The following KDM3A variants were observed in gnomAD, a reference collection of about 807,000 sequenced individuals.
KDM3A encodes lysine-specific demethylase 3A.
A neutral mutation model predicts 158.0 loss-of-function variants in KDM3A; 60 were observed. The observed-to-expected ratio is 0.38, with a 90% CI of 0.31 to 0.47. The LOEUF is 0.47. Ranked by LOEUF, KDM3A falls within the 20% of genes least tolerant of loss-of-function variation. The pLI is 0.99. For synonymous variants in KDM3A, 608 were observed against 549.3 expected (o/e 1.11, Z -1.49); for missense variants, 1,319 against 1,574.3 (o/e 0.84, Z 2.74).
intron 23 of KDM3A, chr2:86,490,659 C>T (rs1674410167): frequency 2.2e-6 from 1 of 459,690 alleles, no homozygotes; most frequent in Non-Finnish European, 3.9e-6. Context: ...CAGAGCCTGT[C>T]AGTCATGGTT....
At chr2:86,440,940 C>T (rs1392965001), upstream of KDM3A, 1 of 152,324 alleles carries the variant, frequency 6.6e-6, no homozygotes, top group African/African-American at 2.4e-5. Flanking sequence ...GGTCGACAGC[C>T]TACGCGGTTG....
chr2:86,458,394 A>G (rs1672793253), intron 8 of KDM3A, among the ~76,000 whole-genome samples: 1 of 152,224 alleles, frequency 6.6e-6, no homozygotes, highest in Non-Finnish European at 1.5e-5. Flanking sequence ...TTAGGAAAGA[A>G]TGAAGAGTTA....
chr2:86,458,838 T>A (rs996057437), intron 8 of KDM3A, among the ~76,000 whole-genome samples: 13 of 152,252 alleles, frequency 8.5e-5, no homozygotes, highest in Admixed American at 7.8e-4. Flanking sequence ...GGGTTTTAAG[T>A]TCAGGAGATT....
At chr2:86,478,475 G>T (rs1673768778) in intron 14 of KDM3A, 133 bp from the exon 15 acceptor site, 2 of 1,045,114 alleles carry the variant, frequency 1.9e-6, no homozygotes, top group Admixed American at 2.5e-5. Context: ...TTTGGGGAAG[G>T]CCTCTGGAGC....
intron 11 of KDM3A, among the ~76,000 whole-genome samples, chr2:86,472,044 G>A (rs1471228596): frequency 2.0e-5 from 3 of 152,016 alleles, no homozygotes; most frequent in Non-Finnish European, 4.4e-5. Flanking sequence ...TGTTGTTATG[G>A]CTCCTCTGCT....
chr2:86,467,430 T>C (rs1416106740), intron 10 of KDM3A: 1 of 152,652 alleles, frequency 6.6e-6, no homozygotes. Context: ...AAAAAGGACT[T>C]GGGTTAAAGA....
At chr2:86,466,111 G>A (rs138728112) in intron 9 of KDM3A, among the ~76,000 whole-genome samples, 1 of 152,196 alleles carries the variant, frequency 6.6e-6, no homozygotes, top group East Asian at 1.9e-4. Context: ...TAGAACTAAC[G>A]TAAGAAGTTA....
At chr2:86,437,330 T>C (rs1312199362), upstream of KDM3A, among the ~76,000 whole-genome samples, 17 of 152,048 alleles carry the variant, frequency 1.1e-4, no homozygotes, top group Non-Finnish European at 4.4e-5. Context: ...ACAGTAGCGA[T>C]GAGGTCTCAC....
chr2:86,471,062 G>C (rs1028521439), intron 11 of KDM3A, among the ~76,000 whole-genome samples: 1 of 152,178 alleles, frequency 6.6e-6, no homozygotes, highest in Admixed American at 6.5e-5. Flanking sequence ...TGATACACCT[G>C]TTCTGCCAAG....
intron 21 of KDM3A, among the ~76,000 whole-genome samples, chr2:86,486,556 T>C (rs1332724958): frequency 6.6e-6 from 1 of 152,226 alleles, no homozygotes; most frequent in Non-Finnish European, 1.5e-5. Flanking sequence ...GAATTTTATT[T>C]ACTCATTTTT....
At chr2:86,484,642 C>A in intron 19 of KDM3A, 1 of 310,502 alleles carries the variant, frequency 3.2e-6, no homozygotes, top group Non-Finnish European at 6.0e-6. Context: ...GCTTAATAAG[C>A]TTCTAGGAAA....
chr2:86,460,883 A>G (rs1210433119), intron 8 of KDM3A: 3 of 152,124 alleles, frequency 2.0e-5, no homozygotes, highest in East Asian at 1.9e-4. Flanking sequence ...GCGGAGGTGC[A>G]CTCGTGAACA....
intron 6 of KDM3A, 43 bp downstream of exon 6, chr2:86,456,609 A>G (rs776200879): frequency 7.7e-6 from 12 of 1,558,474 alleles, no homozygotes; most frequent in African/African-American, 2.8e-5. Flanking sequence ...TCGACAAAGC[A>G]TGATAACTAT....
chr2:86,462,704 T>C (rs930437695), intron 8 of KDM3A, among the ~76,000 whole-genome samples: 7 of 152,234 alleles, frequency 4.6e-5, no homozygotes, highest in African/African-American at 1.7e-4. Context: ...TATATCTGTA[T>C]ATGCTAGCTA....
chr2:86,461,299 C>G (rs910474178), intron 8 of KDM3A, among the ~76,000 whole-genome samples: 9 of 152,194 alleles, frequency 5.9e-5, no homozygotes, highest in Admixed American at 2.0e-4. Context: ...CTCCTTCCCT[C>G]TGTTCCTCCA....
chr2:86,472,820 A>T (rs1673479537), intron 11 of KDM3A, among the ~76,000 whole-genome samples: 1 of 152,154 alleles, frequency 6.6e-6, no homozygotes, highest in Non-Finnish European at 1.5e-5. Context: ...CCTGATTCTT[A>T]CCTATTTGAA....
intron 17 of KDM3A, 64 bp downstream of exon 17, chr2:86,482,166 G>C: frequency 6.5e-7 from 1 of 1,539,780 alleles, no homozygotes; most frequent in Non-Finnish European, 8.9e-7. Context: ...AGAGAGTAGA[G>C]AAGTTGGAAC....
At chr2:86,480,610 C>G (rs1673879695) in intron 16 of KDM3A, among the ~76,000 whole-genome samples, 1 of 152,170 alleles carries the variant, frequency 6.6e-6, no homozygotes, top group Non-Finnish European at 1.5e-5. Context: ...CCACTTCTTT[C>G]ATGCAAAGAT....
chr2:86,458,351 G>T (rs1314693782), intron 8 of KDM3A, among the ~76,000 whole-genome samples: 1 of 152,208 alleles, frequency 6.6e-6, no homozygotes, highest in Non-Finnish European at 1.5e-5. Context: ...CCTTTGAAGG[G>T]TATAGGCTTT....
Sources: allele counts gnomAD v4.1 joint callset (sites outside exome capture counted in the v4.1 genomes callset), GRCh38; gene constraint gnomAD v4.1.1; transcripts MANE v1.5; gene names NCBI Gene and HGNC (gene_info 2026-07-23, HGNC 2026-07-21).